Variants in RBFOX2 observed in about 807,000 individuals in gnomAD.
RBFOX2 encodes RNA binding protein fox-1 homolog 2.
Under a neutral mutation model 49.1 loss-of-function variants are expected in RBFOX2, and 10 were observed. The ratio of observed to expected loss-of-function variants is 0.20; its 90% CI spans 0.13 to 0.35. The LOEUF is 0.35. Ranked by LOEUF, RBFOX2 falls within the 10% of genes least tolerant of loss-of-function variation. RBFOX2 has a pLI of 1.00. For missense variants in RBFOX2, 323 were observed against 486.9 expected (o/e 0.66, Z 3.17); for synonymous variants, 183 against 187.4 (o/e 0.98, Z 0.19).
At chr22:35,756,620 T>C (rs1937031162) in intron 9 of RBFOX2, among the ~76,000 whole-genome samples, 1 of 152,160 alleles carries the variant, frequency 6.6e-6, no homozygotes, top group South Asian at 2.1e-4. Flanking sequence ...AGGGCCTGTA[T>C]GCAAAGTATG....
upstream of RBFOX2, among the ~76,000 whole-genome samples, chr22:35,844,668 T>A (rs552575663): frequency 1.3e-5 from 2 of 151,432 alleles, no homozygotes; most frequent in African/African-American, 4.8e-5. Context: ...CAGTTTTTTT[T>A]TTTTTTTTTT....
At chr22:35,793,674 A>G (rs1380666099) in intron 2 of RBFOX2, among the ~76,000 whole-genome samples, 1 of 152,220 alleles carries the variant, frequency 6.6e-6, no homozygotes, top group Non-Finnish European at 1.5e-5. Context: ...ATTTACTTAG[A>G]GCAACTCCCT....
intron 1 of RBFOX2, among the ~76,000 whole-genome samples, chr22:35,980,062 T>C (rs556542099): frequency 1.3e-4 from 20 of 152,202 alleles, no homozygotes; most frequent in Admixed American, 7.2e-4. Flanking sequence ...ATGGTTTGCC[T>C]TTACTTGTAC....
chr22:35,961,837 A>G (rs2056239239), upstream of RBFOX2: 1 of 624,506 alleles, frequency 1.6e-6, no homozygotes, highest in Admixed American at 6.3e-5. Context: ...CTAAGAAAAC[A>G]CAGAGAAATG....
Position 35,762,207 on chromosome 22 carries a change from CA to C in RBFOX2, c.608-740del, listed in dbSNP as rs541674529. Among the ~76,000 whole-genome samples the C allele has an allele frequency of 7.9e-5, 12 of 152,152 alleles. No homozygotes were observed. In the South Asian group the frequency reaches 2.5e-3, roughly 32 times the overall value. On this transcript the variant is annotated intron_variant, in intron 6 of 11. Coordinates refer to ENST00000405409, the Ensembl canonical transcript of RBFOX2. ...AATATTTATAAATATTAAGAGTTTC[CA>C]AATAACATTATGTTTAATGTCAACT...
intron 4 of RBFOX2, among the ~76,000 whole-genome samples, chr22:35,770,071 A>G (rs560495743): frequency 3.7e-4 from 57 of 152,314 alleles, no homozygotes; most frequent in African/African-American, 1.2e-3. Context: ...TGAAATTTTG[A>G]TATCAACATT....
At chr22:35,811,813 A>G (rs1249419388) in intron 1 of RBFOX2, among the ~76,000 whole-genome samples, 3 of 151,936 alleles carry the variant, frequency 2.0e-5, no homozygotes, top group African/African-American at 7.3e-5. Flanking sequence ...AAACTTTAAA[A>G]AATTAGCTGG....
chr22:35,788,320 G>A (rs1011700457), intron 2 of RBFOX2, among the ~76,000 whole-genome samples: 1 of 152,064 alleles, frequency 6.6e-6, no homozygotes, highest in Admixed American at 6.5e-5. Flanking sequence ...AGATACTAAG[G>A]AATCTCTTAA....
chr22:35,966,104 T>C (rs1381003152), upstream of RBFOX2, among the ~76,000 whole-genome samples: 1 of 152,236 alleles, frequency 6.6e-6, no homozygotes, highest in Non-Finnish European at 1.5e-5. Flanking sequence ...CTGCCTGTTT[T>C]GAAGTTTGTA....
chr22:35,740,111 T>C (rs1193689118), exon 12 of RBFOX2: 2 of 152,518 alleles, frequency 1.3e-5, no homozygotes, highest in Non-Finnish European at 2.9e-5. Context: ...TCTGGTCTGT[T>C]AGCCTCATTT....
chr22:35,910,445 C>T (rs920634794), intron 1 of RBFOX2, among the ~76,000 whole-genome samples: 2 of 152,196 alleles, frequency 1.3e-5, no homozygotes, highest in African/African-American at 2.4e-5. Context: ...AGGTAGCTGA[C>T]AGGCAGACAG....
intron 1 of RBFOX2, among the ~76,000 whole-genome samples, chr22:35,985,907 GATAGATAGATAGATAGATAGATA>G: frequency 3.4e-4 from 2 of 5,892 alleles, no homozygotes; most frequent in East Asian, 6.6e-3. Context: ...TAGATGGATA[GATAGATAGATAGATAGATAGATA>G]GATAGATAGA....
exon 1 of RBFOX2, chr22:36,028,486 G>A (rs2059537446): frequency 1.9e-5 from 21 of 1,115,160 alleles, no homozygotes; most frequent in Non-Finnish European, 2.3e-5. Context: ...CCTCCCCCTG[G>A]GCCTCGGCCC....
chr22:35,885,799 C>T (rs1444851585), intron 1 of RBFOX2, among the ~76,000 whole-genome samples: 2 of 147,164 alleles, frequency 1.4e-5, no homozygotes, highest in Admixed American at 1.4e-4. Flanking sequence ...ACAATGAAGA[C>T]AGTACAGAGC....
chr22:35,916,370 C>G (rs1373494834), intron 1 of RBFOX2, among the ~76,000 whole-genome samples: 1 of 152,204 alleles, frequency 6.6e-6, no homozygotes, highest in Non-Finnish European at 1.5e-5. Flanking sequence ...CAACCTCTGC[C>G]TCCCGGATTC....
intron 1 of RBFOX2, among the ~76,000 whole-genome samples, chr22:35,946,167 T>C (rs2054255935): frequency 6.6e-6 from 1 of 152,082 alleles, no homozygotes; most frequent in South Asian, 2.1e-4. Context: ...TCTTTACAGG[T>C]GAGGAAGCTG....
exon 12 of RBFOX2, chr22:35,741,242 G>A (rs1260224940): frequency 1.3e-5 from 2 of 152,238 alleles, no homozygotes; most frequent in Non-Finnish European, 2.9e-5. Flanking sequence ...CTCCTTTAAG[G>A]AGCCCAGCTT....
chr22:35,930,790 C>A (rs1008613246), intron 1 of RBFOX2, among the ~76,000 whole-genome samples: 2 of 152,040 alleles, frequency 1.3e-5, no homozygotes, highest in Non-Finnish European at 2.9e-5. Context: ...AGATGACACA[C>A]CTGCACTCCT....
intron 1 of RBFOX2, among the ~76,000 whole-genome samples, chr22:35,953,350 C>T (rs1458905049): frequency 2.0e-5 from 3 of 151,530 alleles, no homozygotes; most frequent in Non-Finnish European, 4.4e-5. Context: ...CTGATATATG[C>T]TACAACATGG....
Sources: gnomAD v4.1 joint callset for allele counts (sites outside exome capture counted in the v4.1 genomes callset) on GRCh38, gnomAD v4.1.1 for gene constraint, MANE v1.5 for transcripts, NCBI Gene and HGNC (gene_info 2026-07-23, HGNC 2026-07-21) for gene names.